Variants in LTF observed in about 807,000 individuals in gnomAD.
The protein encoded by LTF is lactotransferrin.
Under a neutral mutation model 87.2 loss-of-function variants are expected in LTF, and 91 were observed. The ratio of observed to expected loss-of-function variants is 1.04; its 90% confidence interval spans 0.88 to 1.24. The LOEUF (loss-of-function observed/expected upper bound fraction) is 1.24, where lower values mean the gene tolerates loss of function less well. Ranked by LOEUF, LTF falls within the 50% of genes most tolerant of loss-of-function variation. LTF has a pLI of 0.00. For synonymous variants in LTF, 378 were observed against 356.1 expected, an observed-to-expected ratio of 1.06 and a Z score of -0.69; for missense variants, 901 against 904.3, an observed-to-expected ratio of 1.00 and a Z score of 0.05.
chr3:46,482,014 G>A (rs963269991), intron 1 of LTF, among the ~76,000 whole-genome samples: 2 of 152,122 alleles, frequency 1.3e-5, no homozygotes, highest in East Asian at 1.9e-4. Flanking sequence ...GTCTCAGAAC[G>A]TCACCCATTC....
intron 13 of LTF, among the ~76,000 whole-genome samples, chr3:46,442,833 A>T (rs1702555058): frequency 1.3e-5 from 2 of 152,338 alleles, no homozygotes; most frequent in Middle Eastern, 3.4e-3. Context: ...TGCACCCTTC[A>T]CACTGGTAAA....
At chr3:46,446,807 G>A (rs776706469) in intron 10 of LTF, among the ~76,000 whole-genome samples, 3 of 152,166 alleles carry the variant, frequency 2.0e-5, no homozygotes, top group Non-Finnish European at 2.9e-5. Context: ...AAAGCATAAC[G>A]ATGAGCAAGA....
rs1373143133 is a variant in LTF at position 46,462,646 on chromosome 3, G to A, written c.43+2179C>T. Among the ~76,000 whole-genome samples, 12 of 152,162 alleles carry A rather than the reference G, an allele frequency of 7.9e-5. 1 individual carries two copies. Among genetic ancestry groups the A allele is most frequent in the African/African-American group, 2.9e-4 (12 of 41,414 alleles). ...GCTGATCCAGGGAGGTCTTATTCAG[G>A]ATGCAGTGAAGCTGTGACTCACGGG... On this transcript the variant is annotated intron_variant, in intron 1 of 16. Coordinates refer to ENST00000231751, the MANE Select transcript of LTF (RefSeq NM_002343.6).
In LTF at chr3:46,459,793, T is replaced by C; in HGVS notation, c.70A>G (p.Ser24Gly). ...LGLCLAGRRR[S>G]VQWCAVSQPE... ...TGGGATACGGCGCACCACTGAACACTCCTCCTACGGCCAGCCAGACACAGT... is the reference window on the plus strand; with the variant it reads ...TGGGATACGGCGCACCACTGAACACCCCTCCTACGGCCAGCCAGACACAGT... The change falls in exon 2 of 17, where the codon AGT becomes GGT. Residue 24 changes from serine to glycine, a missense_variant. Physicochemically the swap from Ser to Gly is moderately conservative, Grantham distance 56. Coordinates refer to ENST00000231751, the MANE Select transcript of LTF (RefSeq NM_002343.6). The C allele has an allele frequency of 7.0e-7, 1 of 1,425,890 alleles. No homozygotes were observed. Among genetic ancestry groups the C allele is most frequent in the Non-Finnish European group, 9.1e-7 (1 of 1,100,610 alleles). 88.3% of individuals were successfully genotyped at this position (1,425,890 alleles called of 1,614,324 possible).
chr3:46,471,667 G>A (rs374048669), intron 1 of LTF, among the ~76,000 whole-genome samples: 2 of 152,180 alleles, frequency 1.3e-5, no homozygotes, highest in Admixed American at 6.5e-5. Context: ...CCCCTACCTC[G>A]CCCTGTGTAG....
intron 12 of LTF, 31 bp downstream of exon 12, chr3:46,445,250 G>GC: frequency 1.9e-6 from 3 of 1,581,572 alleles, no homozygotes; most frequent in Non-Finnish European, 2.6e-6. Flanking sequence ...CTCCAGGGTG[G>GC]CCCACCCACC....
At chr3:46,436,866 A>AG (rs1702398764) in intron 16 of LTF, among the ~76,000 whole-genome samples, 1 of 152,226 alleles carries the variant, frequency 6.6e-6, no homozygotes, top group Non-Finnish European at 1.5e-5. Flanking sequence ...CCTTTATTGC[A>AG]GGGGGCTGGC....
At chr3:46,484,891 C>A (rs1485766660) in intron 1 of LTF, 3 of 152,264 alleles carry the variant, frequency 2.0e-5, no homozygotes, top group Non-Finnish European at 4.4e-5. Flanking sequence ...TGGGATGATG[C>A]CTCCTCCCTG....
intron 8 of LTF, among the ~76,000 whole-genome samples, chr3:46,449,446 C>T (rs1221955858): frequency 6.6e-6 from 1 of 152,142 alleles, no homozygotes; most frequent in Non-Finnish European, 1.5e-5. Context: ...CCCCAGACTC[C>T]CACCCCCAGC....
intron 1 of LTF, among the ~76,000 whole-genome samples, chr3:46,482,080 A>G (rs1356833351): frequency 2.6e-5 from 4 of 152,142 alleles, no homozygotes; most frequent in African/African-American, 9.7e-5. Flanking sequence ...TTGATACTGG[A>G]GAAATATTTT....
rs1020815714 is a variant in LTF at position 46,445,301 on chromosome 3, T to C, written c.1493A>G (p.Gln498Arg). Reference protein sequence around the residue: ...WNIPMGLLFNQTGSCKFDEYF... With the variant: ...WNIPMGLLFNRTGSCKFDEYF... ...CTTACCAAATTTGCAGGAGCCCGTC[T>C]GGTTGAAGAGCAGGCCCATGGGGAT... Residue 498 changes from glutamine to arginine, a missense_variant, in exon 12 of 17, where the codon CAG (glutamine) becomes CGG (arginine). Coordinates refer to ENST00000231751, the MANE Select transcript of LTF (RefSeq NM_002343.6). 6.2e-7 allele frequency: 1 copy of C among 1,610,706 alleles called. No homozygotes were observed. Among genetic ancestry groups the C allele is most frequent in the African/African-American group, 1.3e-5 (1 of 74,762 alleles).
rs113067806 is a variant in LTF at position 46,459,834 on chromosome 3, C to T, written c.44-15G>A. 2.0e-6 allele frequency: 3 copies of T among 1,513,394 alleles called. No homozygotes were observed. Among genetic ancestry groups the T allele is most frequent in the African/African-American group, 2.9e-5 (2 of 68,644 alleles). The allele number at this position is 1,513,394 out of a possible 1,614,324, so 93.7% of individuals were successfully genotyped here. The stretch of plus-strand genomic sequence containing the variant: ...CAGACACAGTCCTGGGAGAGAGGGG[C>T]CAAGGAGTAAGGATTCAACCACTGA... On this transcript the variant is annotated splice_polypyrimidine_tract_variant and intron_variant, in intron 1 of 16. Coordinates refer to ENST00000231751, the MANE Select transcript of LTF (RefSeq NM_002343.6).
intron 1 of LTF, among the ~76,000 whole-genome samples, chr3:46,474,514 C>T (rs547361989): frequency 2.6e-5 from 4 of 152,162 alleles, no homozygotes; most frequent in Non-Finnish European, 5.9e-5. Context: ...TAGTTGAAGA[C>T]TTCAAACCCC....
At chr3:46,449,723 C>G (rs761950382) in intron 8 of LTF, 131 bp downstream of exon 8, 4 of 927,074 alleles carry the variant, frequency 4.3e-6, no homozygotes, top group Non-Finnish European at 6.6e-6. Context: ...AAGACACTCA[C>G]ACCTGCATCA....
At chr3:46,458,015 A>C (rs998447060) in intron 2 of LTF, among the ~76,000 whole-genome samples, 1 of 151,470 alleles carries the variant, frequency 6.6e-6, no homozygotes, top group African/African-American at 2.4e-5. Context: ...TGATCTCCTG[A>C]CCTCGTGATC....
At position 46,438,044 on chromosome 3, in the gene LTF, T is replaced by C; in HGVS notation, c.1994A>G (p.Asn665Ser). ...SETKNLLFND[N>S]TECLARLHGK... Reference sequence around the variant, plus strand: ...ATGGAGTCTGGCCAGACACTCAGTGTTGTCATTGAACAGAAGGTTTTTGGT... The same window carrying C: ...ATGGAGTCTGGCCAGACACTCAGTGCTGTCATTGAACAGAAGGTTTTTGGT... The change falls in exon 16 of 17, where the codon AAC becomes AGC. Residue 665 changes from asparagine (N) to serine (S), a missense_variant. Physicochemically the swap from Asn to Ser is conservative, Grantham distance 46 (BLOSUM62 1). Transcript: ENST00000231751. The C allele has an allele frequency of 1.2e-6, 2 of 1,614,120 alleles. No homozygotes were observed. Among genetic ancestry groups the C allele is most frequent in the South Asian group, 2.2e-5 (2 of 91,080 alleles).
intron 10 of LTF, 146 bp downstream of exon 10, chr3:46,447,162 C>T: frequency 1.5e-6 from 1 of 647,790 alleles, no homozygotes; most frequent in Admixed American, 2.5e-5. Flanking sequence ...GTAACACGGC[C>T]CCTTTCATTT....
chr3:46,441,559 C>T, intron 13 of LTF, 76 bp from the exon 14 acceptor site: 2 of 1,070,022 alleles, frequency 1.9e-6, no homozygotes, highest in East Asian at 2.4e-5. Flanking sequence ...TTGTAATATG[C>T]ATTCCAAAAA....
At chr3:46,482,521 A>G (rs1559614456) in intron 1 of LTF, among the ~76,000 whole-genome samples, 3 of 73,902 alleles carry the variant, frequency 4.1e-5, no homozygotes, top group African/African-American at 1.8e-4. Context: ...AAGGGAAGGG[A>G]AGGGAAGGGA....
Sources: allele counts gnomAD v4.1 joint callset (sites outside exome capture counted in the v4.1 genomes callset), GRCh38; gene constraint gnomAD v4.1.1; transcripts MANE v1.5; gene names NCBI Gene and HGNC (gene_info 2026-07-23, HGNC 2026-07-21).